Variants in MAP4 observed in about 807,000 individuals in gnomAD.
The protein encoded by MAP4 is microtubule-associated protein 4.
Under a neutral mutation model 170.2 loss-of-function variants are expected in MAP4, and 76 were observed. The ratio of observed to expected loss-of-function variants is 0.45; its 90% CI spans 0.37 to 0.54. MAP4 has a LOEUF of 0.54. MAP4 is among the 20% of genes least tolerant of loss of function. The pLI, the probability that MAP4 is intolerant of heterozygous loss-of-function variation, is 0.00. For synonymous variants in MAP4, 909 were observed against 994.5 expected (o/e 0.91, Z 1.62); for missense variants, 2,506 against 2,748.0 (o/e 0.91, Z 1.97).
chr3:47,860,552 T>C (rs376684114), intron 17 of MAP4, among the ~76,000 whole-genome samples: 16 of 152,308 alleles, frequency 1.1e-4, no homozygotes, highest in African/African-American at 3.8e-4. Flanking sequence ...TGACCTTTTG[T>C]CTAGTATGCA....
chr3:47,907,011 T>A (rs1220197350), intron 9 of MAP4, among the ~76,000 whole-genome samples: 1 of 151,984 alleles, frequency 6.6e-6, no homozygotes, highest in African/African-American at 2.4e-5. Context: ...AGTTTTGTAT[T>A]TTTAGTAGAG....
chr3:47,978,064 A>G, intron 2 of MAP4, 131 bp from the exon 3 acceptor site: 1 of 611,164 alleles, frequency 1.6e-6, no homozygotes, highest in Non-Finnish European at 3.0e-6. Context: ...AACTGTTCAA[A>G]ATTTAAACAT....
chr3:47,995,326 C>A (rs1336083569), intron 2 of MAP4, among the ~76,000 whole-genome samples: 1 of 149,266 alleles, frequency 6.7e-6, no homozygotes, highest in Non-Finnish European at 1.5e-5. Flanking sequence ...TCTCCACTCA[C>A]TGCCACCTCC....
intron 17 of MAP4, among the ~76,000 whole-genome samples, chr3:47,863,945 G>T (rs2074497051): frequency 7.9e-6 from 1 of 126,296 alleles, no homozygotes; most frequent in Non-Finnish European, 1.6e-5. Context: ...TGTGGGGAGT[G>T]GTGGGGGGTG....
chr3:47,975,329 G>A (rs2100081339), intron 3 of MAP4: 1 of 1,537,684 alleles, frequency 6.5e-7, no homozygotes, highest in Non-Finnish European at 8.8e-7. Flanking sequence ...ACTACCCTCA[G>A]TTTCTTCTAC....
chr3:47,993,769 C>G (rs569252235), intron 2 of MAP4, among the ~76,000 whole-genome samples: 78 of 152,192 alleles, frequency 5.1e-4, no homozygotes, highest in Non-Finnish European at 8.2e-4. Context: ...CAGTCAAGAG[C>G]AAACACAAGA....
intron 17 of MAP4, among the ~76,000 whole-genome samples, chr3:47,864,533 T>G (rs1042914017): frequency 6.6e-6 from 1 of 152,072 alleles, no homozygotes; most frequent in African/African-American, 2.4e-5. Flanking sequence ...AAAAATTAGC[T>G]GGGCATTGTG....
chr3:47,887,364 A>T (rs1296290126), intron 10 of MAP4, among the ~76,000 whole-genome samples: 1 of 152,354 alleles, frequency 6.6e-6, no homozygotes, highest in East Asian at 1.9e-4. Flanking sequence ...GTGGCTGCAG[A>T]GGGTGTACTG....
intron 16 of MAP4, among the ~76,000 whole-genome samples, chr3:47,868,770 C>T (rs929195458): frequency 6.6e-6 from 1 of 152,182 alleles, no homozygotes; most frequent in African/African-American, 2.4e-5. Flanking sequence ...TATCTCCATA[C>T]CCAGCAGCGT....
chr3:48,062,210 G>A (rs2100135977), intron 1 of MAP4, among the ~76,000 whole-genome samples: 1 of 152,044 alleles, frequency 6.6e-6, no homozygotes, highest in Non-Finnish European at 1.5e-5. Flanking sequence ...CCAACCCGGT[G>A]CTCTCTGAAA....
intron 7 of MAP4, 115 bp from the exon 8 acceptor site, chr3:47,915,054 A>G (rs1368519915): frequency 1.4e-5 from 17 of 1,241,188 alleles, no homozygotes; most frequent in Middle Eastern, 3.9e-4. Flanking sequence ...TACAAGGGGC[A>G]GCAAAGGAGT....
chr3:47,985,932 A>C (rs2100088381), intron 2 of MAP4, among the ~76,000 whole-genome samples: 1 of 152,246 alleles, frequency 6.6e-6, no homozygotes, highest in African/African-American at 2.4e-5. Flanking sequence ...GTATTCTTGT[A>C]ATGTGCTAAT....
At chr3:48,075,534 G>T (rs148095895) in intron 1 of MAP4, among the ~76,000 whole-genome samples, 1 of 151,480 alleles carries the variant, frequency 6.6e-6, no homozygotes, top group Non-Finnish European at 1.5e-5. Context: ...CAAAAAAAAA[G>T]AAAGTCCAGA....
chr3:47,904,550 G>C (rs1405908775), intron 9 of MAP4, among the ~76,000 whole-genome samples: 1 of 151,272 alleles, frequency 6.6e-6, no homozygotes, highest in Non-Finnish European at 1.5e-5. Context: ...GACCTCAGGT[G>C]ATCTGCTGCG....
At chr3:47,991,030 T>C (rs555872746) in intron 2 of MAP4, among the ~76,000 whole-genome samples, 19 of 152,298 alleles carry the variant, frequency 1.2e-4, no homozygotes, top group African/African-American at 4.3e-4. Flanking sequence ...GAAGCAAGAA[T>C]AAGTTGAAGT....
intron 3 of MAP4, among the ~76,000 whole-genome samples, chr3:47,930,374 A>G (rs1349587048): frequency 3.3e-5 from 5 of 149,886 alleles, no homozygotes; most frequent in East Asian, 4.0e-4. Context: ...GAACCCGGGA[A>G]GCGGAGCTTG....
chr3:47,959,224 T>G (rs1372833732), intron 3 of MAP4, among the ~76,000 whole-genome samples: 2 of 152,082 alleles, frequency 1.3e-5, no homozygotes, highest in Non-Finnish European at 2.9e-5. Flanking sequence ...TCCCAGCACT[T>G]TTGGAGGCCA....
At chr3:48,029,935 T>A (rs2100115092) in intron 1 of MAP4, among the ~76,000 whole-genome samples, 2 of 150,382 alleles carry the variant, frequency 1.3e-5, no homozygotes, top group Admixed American at 1.3e-4. Flanking sequence ...GAGGCAGAGG[T>A]TGCAGTGAGC....
At chr3:48,002,692 C>T (rs2100099864) in intron 1 of MAP4, among the ~76,000 whole-genome samples, 1 of 152,024 alleles carries the variant, frequency 6.6e-6, no homozygotes. Flanking sequence ...ACCAGCCTGG[C>T]CAACACGGTG....
Sources: allele counts gnomAD v4.1 joint callset (sites outside exome capture counted in the v4.1 genomes callset), GRCh38; gene constraint gnomAD v4.1.1; transcripts MANE v1.5; gene names NCBI Gene and HGNC (gene_info 2026-07-23, HGNC 2026-07-21).